The following TMF1 variants were observed in gnomAD, a reference collection of about 807,000 sequenced individuals.
TMF1 encodes TATA element modulatory factor.
In TMF1, 71 loss-of-function variants were observed where a neutral mutation model predicts 126.5. That is an observed-to-expected ratio of 0.56 (90% CI 0.46 to 0.68). The LOEUF is 0.68. TMF1 is among the 30% of genes least tolerant of loss of function. The pLI is 0.00. For missense variants in TMF1, 1,259 were observed against 1,253.2 expected, an observed-to-expected ratio of 1.00 and a Z score of -0.07; for synonymous variants, 461 against 430.5, an observed-to-expected ratio of 1.07 and a Z score of -0.88.
chr3:69,033,273 C>CAAAAAAAA (rs34778745), intron 10 of TMF1, among the ~76,000 whole-genome samples: 2 of 85,644 alleles, frequency 2.3e-5, no homozygotes, highest in African/African-American at 4.4e-5. Context: ...GACTCCATCT[C>CAAAAAAAA]AAAAAAAAAA....
At position 69,047,864 on chromosome 3, in the gene TMF1, C is replaced by CT; in HGVS notation, c.840dup (p.Asp281ArgfsTer23). On this transcript the variant is annotated frameshift_variant, in exon 2 of 17. Coordinates refer to ENST00000398559, the MANE Select transcript of TMF1 (RefSeq NM_007114.3). LOFTEE classifies it high-confidence loss of function. ...ATCAAGTGAAGACTTGATTTTGAATCTGTAGTCTCTTGTCTCGAGCTCGCT... is the reference window on the plus strand; with the variant it reads ...ATCAAGTGAAGACTTGATTTTGAATCTTGTAGTCTCTTGTCTCGAGCTCGCT... 1 of 1,613,946 alleles carries CT rather than the reference C, an allele frequency of 6.2e-7. No individual in the cohort carries two copies. Among genetic ancestry groups the CT allele is most frequent in the South Asian group, 1.1e-5 (1 of 91,068 alleles).
In TMF1 at chr3:69,047,968, A is replaced by C. The variant is rs1313370265; in HGVS notation, c.737T>G (p.Val246Gly). 3 of 1,613,766 alleles carry C rather than the reference A, an allele frequency of 1.9e-6. No individual in the cohort carries two copies. Among genetic ancestry groups the C allele is most frequent in the Non-Finnish European group, 2.5e-6 (3 of 1,180,046 alleles). ...AGAAGTACCTGATGAAAAGGTACTAACAGGAGGAGAAGGTGTATTGCTCTG... is the reference window on the plus strand; with the variant it reads ...AGAAGTACCTGATGAAAAGGTACTACCAGGAGGAGAAGGTGTATTGCTCTG... Reference protein sequence around the residue: ...DRQSNTPSPPVSTFSSGTSTT... With the variant: ...DRQSNTPSPPGSTFSSGTSTT... Residue 246 changes from valine (V) to glycine (G), a missense_variant, in exon 2 of 17, where the codon GTT (valine) becomes GGT (glycine). Physicochemically the swap from Val to Gly is moderately radical, Grantham distance 109 (BLOSUM62 -3). Transcript: ENST00000398559.
chr3:69,045,600 T>C (rs1043209769), intron 2 of TMF1, among the ~76,000 whole-genome samples: 1 of 151,192 alleles, frequency 6.6e-6, no homozygotes, highest in African/African-American at 2.4e-5. Flanking sequence ...ACCAACACGG[T>C]GAAACCCCAT....
chr3:69,048,823 C>T (rs1002083511), intron 1 of TMF1: 57 of 329,690 alleles, frequency 1.7e-4, no homozygotes, highest in African/African-American at 1.0e-3. Flanking sequence ...CCTGGACTAC[C>T]AGATGCGAGT....
chr3:69,050,739 A>T (rs1217582872), intron 1 of TMF1, among the ~76,000 whole-genome samples: 2 of 152,234 alleles, frequency 1.3e-5, no homozygotes, highest in African/African-American at 4.8e-5. Context: ...GGACCAAAAT[A>T]TCTTAAACTG....
chr3:69,019,972 G>A lies in TMF1; in HGVS notation c.*3205C>T. On this transcript the variant is annotated 3_prime_UTR_variant, in exon 17 of 17. Coordinates refer to ENST00000398559, the MANE Select transcript of TMF1 (RefSeq NM_007114.3). ...ATTAAAGTTTTCATGGTTTAAAATG[G>A]ACCTAGAATATGGAAAATTGGATTC... 1 of 151,940 alleles carries A rather than the reference G, an allele frequency of 6.6e-6. No homozygotes were observed. The allele number at this position is 151,940 out of a possible 1,614,324, so 9.4% of individuals were successfully genotyped here.
intron 2 of TMF1, among the ~76,000 whole-genome samples, chr3:69,045,487 A>G (rs1229814279): frequency 1.3e-5 from 2 of 150,862 alleles, no homozygotes; most frequent in Admixed American, 1.3e-4. Context: ...AAATAAATAA[A>G]TAAAAGTAGA....
intron 11 of TMF1, among the ~76,000 whole-genome samples, chr3:69,029,026 T>C (rs1360244920): frequency 6.7e-6 from 1 of 150,344 alleles, no homozygotes; most frequent in Non-Finnish European, 1.5e-5. Context: ...TGTTATAATA[T>C]CCTATTACTT....
chr3:69,034,138 T>A (rs976031435), intron 9 of TMF1, among the ~76,000 whole-genome samples: 1 of 152,106 alleles, frequency 6.6e-6, no homozygotes, highest in Non-Finnish European at 1.5e-5. Context: ...AACTGTTCAA[T>A]CCTTCCAAGA....
Position 69,028,042 on chromosome 3 carries a change from C to CA in TMF1, c.2665-51dup, listed in dbSNP as rs769210782. 1.8e-5 allele frequency: 22 copies of CA among 1,231,802 alleles called. No homozygotes were observed. In the Admixed American group the frequency reaches 4.4e-4, roughly 25 times the overall value. 76.3% of individuals were successfully genotyped at this position (1,231,802 alleles called of 1,614,324 possible). On this transcript the variant is annotated intron_variant, in intron 12 of 16. Coordinates refer to ENST00000398559, the MANE Select transcript of TMF1 (RefSeq NM_007114.3). ...CAATTTCTGTGATAGTAATTCATGC[C>CA]ATGATAAGTCAATCTCAAAGTTAGA... is the stretch of plus-strand genomic sequence containing the variant.
At chr3:69,035,766 T>C (rs1444958810) in intron 8 of TMF1, among the ~76,000 whole-genome samples, 3 of 151,898 alleles carry the variant, frequency 2.0e-5, no homozygotes, top group African/African-American at 7.3e-5. Context: ...ATAAAACATG[T>C]AAAAAAAATT....
rs2091904526 is a variant in TMF1 at position 69,047,866 on chromosome 3, G to A, written c.839C>T (p.Thr280Ile). The change falls in exon 2 of 17, where the codon ACA becomes ATA. Residue 280 changes from threonine to isoleucine, a missense_variant. By Grantham distance (89) the Thr-to-Ile change is moderately conservative. Coordinates refer to ENST00000398559, the MANE Select transcript of TMF1 (RefSeq NM_007114.3). ...ESSASSRQET[T>I]DSKSSLHLMQ... ...CAAGTGAAGACTTGATTTTGAATCTGTAGTCTCTTGTCTCGAGCTCGCTGA... is the reference window on the plus strand; with the variant it reads ...CAAGTGAAGACTTGATTTTGAATCTATAGTCTCTTGTCTCGAGCTCGCTGA... The A allele has an allele frequency of 1.9e-6, 3 of 1,613,986 alleles. No individual in the cohort carries two copies. The East Asian group carries it at 6.7e-5, about 36-fold the overall frequency.
chr3:69,021,424 T>C lies in TMF1; in HGVS notation c.*1753A>G, dbSNP rs1212259278. On this transcript the variant is annotated 3_prime_UTR_variant, in exon 17 of 17. Transcript: ENST00000398559. ...TATTACACACACAAAAAAATCAAGC[T>C]GACAAAAAGCTATTAGACTACTTTT... is the stretch of plus-strand genomic sequence containing the variant. 6.6e-6 allele frequency: 1 copy of C among 152,488 alleles called. No homozygotes were observed. Among genetic ancestry groups the C allele is most frequent in the Non-Finnish European group, 1.5e-5 (1 of 68,012 alleles). The allele number at this position is 152,488 out of a possible 1,614,324, so 9.4% of individuals were successfully genotyped here.
intron 2 of TMF1, among the ~76,000 whole-genome samples, chr3:69,046,063 C>G (rs1367041262): frequency 1.3e-5 from 2 of 152,068 alleles, no homozygotes; most frequent in Non-Finnish European, 2.9e-5. Flanking sequence ...GAGCCGCGAT[C>G]GCACCACTGC....
chr3:69,049,630 T>C (rs1027669155), intron 1 of TMF1, among the ~76,000 whole-genome samples: 3 of 152,174 alleles, frequency 2.0e-5, no homozygotes, highest in South Asian at 4.1e-4. Flanking sequence ...TTAAGAACTA[T>C]TGCTCTTTGA....
intron 8 of TMF1, 131 bp downstream of exon 8, chr3:69,038,433 G>T: frequency 1.0e-6 from 1 of 996,146 alleles, no homozygotes; most frequent in Non-Finnish European, 1.4e-6. Context: ...GTTAAATTTA[G>T]CAGAATCCAG....
chr3:69,029,654 T>C (rs147610295), intron 11 of TMF1, among the ~76,000 whole-genome samples, 161 bp downstream of exon 11: 1 of 152,270 alleles, frequency 6.6e-6, no homozygotes, highest in African/African-American at 2.4e-5. Flanking sequence ...TTGGCCAGGC[T>C]GGTCTCCACC....
chr3:69,050,069 G>C (rs1172113725), intron 1 of TMF1, among the ~76,000 whole-genome samples: 1 of 151,932 alleles, frequency 6.6e-6, no homozygotes, highest in Non-Finnish European at 1.5e-5. Flanking sequence ...AGACCAGCCT[G>C]GCCAACATGG....
chr3:69,048,708 C>G (rs2091910255), intron 1 of TMF1, 146 bp from the exon 2 acceptor site: 4 of 728,956 alleles, frequency 5.5e-6, no homozygotes, highest in Non-Finnish European at 8.3e-6. Context: ...TCCTTGCTTA[C>G]TACATCATTA....
Sources: gnomAD v4.1 joint callset for allele counts (sites outside exome capture counted in the v4.1 genomes callset) on GRCh38, gnomAD v4.1.1 for gene constraint, MANE v1.5 for transcripts, NCBI Gene and HGNC (gene_info 2026-07-23, HGNC 2026-07-21) for gene names.